Variants in AKAP13 observed in about 807,000 individuals in gnomAD.
AKAP13 encodes A-kinase anchoring protein 13, also known as A-kinase anchor protein 13.
A neutral mutation model predicts 264.5 loss-of-function variants in AKAP13; 80 were observed. The ratio of observed to expected loss-of-function variants is 0.30; its 90% CI spans 0.25 to 0.36. The LOEUF (loss-of-function observed/expected upper bound fraction) is 0.36. Among genes scored for constraint, AKAP13 ranks in the 10% least tolerant of loss-of-function variants. The pLI is 1.00. For missense variants in AKAP13, 3,712 were observed against 3,435.2 expected, an observed-to-expected ratio of 1.08 and a Z score of -2.01; for synonymous variants, 1,380 against 1,250.2, an observed-to-expected ratio of 1.10 and a Z score of -2.19.
rs527614393 is a variant in AKAP13, at chr15:85,406,037, A to G, written c.-12+25239A>G. ...TAACTTTGTAATTTTTATTTTGTAGAGACAGGGTCTCACTATGTTGCCCAG... is the reference window on the plus strand; with the variant it reads ...TAACTTTGTAATTTTTATTTTGTAGGGACAGGGTCTCACTATGTTGCCCAG... On this transcript the variant is annotated intron_variant, in intron 1 of 36. Coordinates refer to ENST00000394518, the MANE Select transcript of AKAP13 (RefSeq NM_007200.5). Among the ~76,000 whole-genome samples the G allele has an allele frequency of 2.6e-5, 4 of 152,276 alleles. No individual in the cohort carries two copies. In the East Asian group the frequency reaches 5.8e-4, roughly 22 times the overall value.
At position 85,585,845 on chromosome 15, in the gene AKAP13, A is replaced by G. The variant is rs138200442; in HGVS notation, c.4161+22A>G. The G allele has an allele frequency of 4.1e-5, 66 of 1,612,424 alleles. 1 individual carries two copies. The East Asian group carries it at 6.9e-4, about 17-fold the overall frequency. On this transcript the variant is annotated intron_variant, in intron 8 of 36. Transcript: ENST00000394518. ...GGCGGTAAGTGGCATCAGTAAGTCT[A>G]TAAGGGCACAAAATGTGTTTATCCT... is the stretch of plus-strand genomic sequence containing the variant.
chr15:85,626,661 G>A lies in AKAP13; in HGVS notation c.4162-12713G>A, dbSNP rs116335875. 4.7e-3 allele frequency among the ~76,000 whole-genome samples: 717 copies of A among 152,314 alleles called. 7 individuals are homozygous for A. Among genetic ancestry groups the A allele is most frequent in the African/African-American group, 0.016 (683 of 41,566 alleles). The stretch of plus-strand genomic sequence containing the variant: ...TTCATCCATCAATTGACATTGGGCT[G>A]TTGCCCCCATTTGGCTGTTGCAAAT... On this transcript the variant is annotated intron_variant, in intron 8 of 36. Coordinates refer to ENST00000394518, the MANE Select transcript of AKAP13 (RefSeq NM_007200.5).
intron 8 of AKAP13, among the ~76,000 whole-genome samples, chr15:85,611,427 C>T (rs2080617664): frequency 6.6e-6 from 1 of 152,200 alleles, no homozygotes; most frequent in Non-Finnish European, 1.5e-5. Flanking sequence ...AGGACAGAAA[C>T]CTAGTCCATC....
At chr15:85,549,917 C>T (rs961829591) in intron 5 of AKAP13, among the ~76,000 whole-genome samples, 1 of 151,762 alleles carries the variant, frequency 6.6e-6, no homozygotes, top group Non-Finnish European at 1.5e-5. Context: ...GTATTGTCAT[C>T]TCTGATTGAT....
At chr15:85,652,050 T>C (rs1596908226) in intron 10 of AKAP13, among the ~76,000 whole-genome samples, 1 of 152,238 alleles carries the variant, frequency 6.6e-6, no homozygotes, top group Non-Finnish European at 1.5e-5. Context: ...AGAATATTAT[T>C]CTGTGTGAAC....
intron 5 of AKAP13, among the ~76,000 whole-genome samples, chr15:85,568,936 A>G (rs1463017710): frequency 1.3e-5 from 2 of 152,188 alleles, no homozygotes; most frequent in Non-Finnish European, 2.9e-5. Flanking sequence ...TGGCTGTAAG[A>G]GTCCAGGTAA....
intron 36 of AKAP13, chr15:85,744,245 C>G: frequency 3.3e-6 from 1 of 303,692 alleles, no homozygotes; most frequent in Non-Finnish European, 6.2e-6. Flanking sequence ...CAGAGGCTAA[C>G]TAATGTGCCA....
chr15:85,404,543 T>TC (rs1419757390), intron 1 of AKAP13, among the ~76,000 whole-genome samples: 1 of 152,226 alleles, frequency 6.6e-6, no homozygotes, highest in Non-Finnish European at 1.5e-5. Context: ...TCTGTTCATG[T>TC]CCAATTCTGC....
chr15:85,722,994 G>A (rs2087391495), intron 25 of AKAP13, 78 bp from the exon 26 acceptor site: 2 of 1,543,734 alleles, frequency 1.3e-6, no homozygotes, highest in South Asian at 1.3e-5. Context: ...ATGATATGGA[G>A]TGAGAAGTCA....
chr15:85,630,176 C>T (rs402206), intron 8 of AKAP13, among the ~76,000 whole-genome samples: 12 of 70,490 alleles, frequency 1.7e-4, no homozygotes, highest in South Asian at 4.6e-4. Context: ...TACACACACA[C>T]ACACACACAC....
chr15:85,674,863 A>AATAT (rs145993106), intron 14 of AKAP13, among the ~76,000 whole-genome samples: 8 of 150,774 alleles, frequency 5.3e-5, no homozygotes, highest in African/African-American at 1.5e-4. Flanking sequence ...AATATATGTG[A>AATAT]ATATATATAT....
At chr15:85,666,431 C>T (rs2083604321) in intron 13 of AKAP13, among the ~76,000 whole-genome samples, 1 of 99,186 alleles carries the variant, frequency 1.0e-5, no homozygotes, top group Non-Finnish European at 2.0e-5. Flanking sequence ...AGCCCTTTGT[C>T]AGAGGGGTAG....
chr15:85,581,442 A>G lies in AKAP13; in HGVS notation c.3374A>G (p.Glu1125Gly), dbSNP rs1021746135. ...ATTCCAAACGTCTTGTTGAGCCAAG[A>G]GAAGAATGCCGTTCTAGGTTTGCCA... is the stretch of plus-strand genomic sequence containing the variant. ...ILIPNVLLSQEKNAVLGLPVA... is the reference protein window; with the variant it reads ...ILIPNVLLSQGKNAVLGLPVA... The change falls in exon 7 of 37, where the codon GAG becomes GGG. Residue 1125 changes from glutamate (E) to glycine (G), a missense_variant. Transcript: ENST00000394518. 1.2e-6 allele frequency: 2 copies of G among 1,614,228 alleles called. No homozygotes were observed. Among genetic ancestry groups the G allele is most frequent in the Non-Finnish European group, 1.7e-6 (2 of 1,180,046 alleles).
intron 14 of AKAP13, among the ~76,000 whole-genome samples, chr15:85,677,795 C>T (rs1251571988): frequency 2.0e-5 from 3 of 151,844 alleles, no homozygotes; most frequent in African/African-American, 4.8e-5. Flanking sequence ...TACAGGCGTC[C>T]GCCACCACGC....
At chr15:85,526,703 C>T (rs1252651002) in intron 3 of AKAP13, among the ~76,000 whole-genome samples, 2 of 152,198 alleles carry the variant, frequency 1.3e-5, no homozygotes, top group African/African-American at 2.4e-5. Flanking sequence ...CTGACACCCC[C>T]CATCCCCCAG....
intron 2 of AKAP13, among the ~76,000 whole-genome samples, chr15:85,510,479 CA>C (rs1423699311): frequency 6.6e-6 from 1 of 152,066 alleles, no homozygotes; most frequent in Admixed American, 6.5e-5. Flanking sequence ...TTTAAAGTAA[CA>C]AAATATTTTC....
chr15:85,391,386 C>T (rs2070846852), intron 1 of AKAP13, among the ~76,000 whole-genome samples: 1 of 151,972 alleles, frequency 6.6e-6, no homozygotes, highest in African/African-American at 2.4e-5. Context: ...TACACATATA[C>T]GAAGATAGTC....
intron 3 of AKAP13, among the ~76,000 whole-genome samples, chr15:85,532,661 T>G (rs1371145462): frequency 6.6e-6 from 1 of 152,242 alleles, no homozygotes; most frequent in Non-Finnish European, 1.5e-5. Context: ...ATGAGTATAT[T>G]CTGAATATTG....
At chr15:85,481,247 T>G (rs1462897169) in intron 1 of AKAP13, among the ~76,000 whole-genome samples, 3 of 152,230 alleles carry the variant, frequency 2.0e-5, no homozygotes, top group Non-Finnish European at 1.5e-5. Context: ...CTTTTGCTAT[T>G]GCTGATCTTT....
Sources: allele counts gnomAD v4.1 joint callset (sites outside exome capture counted in the v4.1 genomes callset), GRCh38; gene constraint gnomAD v4.1.1; transcripts MANE v1.5; gene names NCBI Gene and HGNC (gene_info 2026-07-23, HGNC 2026-07-21).